The following SATB2 variants were observed in gnomAD, a reference collection of about 807,000 sequenced individuals.
The protein encoded by SATB2 is DNA-binding protein SATB2.
In SATB2, 1 loss-of-function variant was observed where a neutral mutation model predicts 73.4. That is an observed-to-expected ratio of 0.01 (90% CI 0.00 to 0.06). SATB2 has a LOEUF of 0.06. Among genes scored for constraint, SATB2 ranks in the 10% least tolerant of loss-of-function variants. SATB2 has a pLI of 1.00. For missense variants in SATB2, 459 were observed against 945.8 expected (o/e 0.49, Z 6.75); for synonymous variants, 397 against 367.0 (o/e 1.08, Z -0.93).
chr2:199,381,551 T>A, intron 4 of SATB2, 143 bp downstream of exon 4: 2 of 1,181,622 alleles, frequency 1.7e-6, no homozygotes, highest in Non-Finnish European at 2.5e-6. Context: ...TCTCCTTCTC[T>A]CCTTCTTTCC....
intron 10 of SATB2, among the ~76,000 whole-genome samples, chr2:199,299,831 T>C (rs761256384): frequency 9.2e-5 from 14 of 152,168 alleles, no homozygotes; most frequent in Non-Finnish European, 1.5e-4. Flanking sequence ...AGCCAGACTT[T>C]GCTAGCTATC....
intron 3 of SATB2, among the ~76,000 whole-genome samples, chr2:199,406,441 A>G (rs561509388): frequency 1.3e-5 from 2 of 152,324 alleles, no homozygotes; most frequent in South Asian, 2.1e-4. Flanking sequence ...ACAGTGAAAT[A>G]TCTAACTTTG....
intron 6 of SATB2, among the ~76,000 whole-genome samples, chr2:199,356,079 C>T (rs1284525456): frequency 6.6e-6 from 1 of 151,938 alleles, no homozygotes; most frequent in Admixed American, 6.6e-5. Flanking sequence ...GAATCTCTGG[C>T]CTATGGATTT....
rs7565351 is a variant in SATB2 at position 199,398,338 on chromosome 2, T to C, written c.347-16518A>G. 5.8e-3 allele frequency among the ~76,000 whole-genome samples: 886 copies of C among 152,294 alleles called. 5 individuals are homozygous for C. The highest frequency in any genetic ancestry group is 0.02 in the African/African-American group (839 of 41,556). ...CAAAACAGAAAAGCAGGTAGCAGAA[T>C]ACATACCCCCAAAATATGCTCTTTC... On this transcript the variant is annotated intron_variant, in intron 3 of 10. Coordinates refer to ENST00000417098, the MANE Select transcript of SATB2 (RefSeq NM_001172509.2).
chr2:199,343,118 AC>A, intron 7 of SATB2, among the ~76,000 whole-genome samples: 1 of 9,982 alleles, frequency 1.0e-4, no homozygotes, highest in East Asian at 8.9e-4. Context: ...TTTTATACAC[AC>A]ACACACACAC....
chr2:199,338,544 G>C (rs1265422464), intron 7 of SATB2, among the ~76,000 whole-genome samples: 1 of 152,114 alleles, frequency 6.6e-6, no homozygotes, highest in African/African-American at 2.4e-5. Context: ...GTTTTCTTTA[G>C]TAAAAACAGA....
chr2:199,413,030 T>A (rs1355638641), intron 3 of SATB2, among the ~76,000 whole-genome samples: 1 of 152,218 alleles, frequency 6.6e-6, no homozygotes, highest in Non-Finnish European at 1.5e-5. Flanking sequence ...CCAAGGAATA[T>A]TACAGAATTT....
intron 7 of SATB2, 30 bp downstream of exon 7, chr2:199,348,671 G>GTTTAAT: frequency 6.7e-7 from 1 of 1,488,652 alleles, no homozygotes; most frequent in African/African-American, 1.4e-5. Context: ...CAGTATTACT[G>GTTTAAT]TTAATTACAG....
chr2:199,414,143 C>T (rs150128819), intron 3 of SATB2, among the ~76,000 whole-genome samples: 19 of 152,292 alleles, frequency 1.2e-4, no homozygotes, highest in African/African-American at 4.3e-4. Context: ...TAAACATATC[C>T]TGCATACCAG....
chr2:199,326,985 G>C (rs564832965), intron 8 of SATB2, among the ~76,000 whole-genome samples: 2 of 152,236 alleles, frequency 1.3e-5, no homozygotes, highest in African/African-American at 4.8e-5. Context: ...TGAAAAAATG[G>C]ATATACTTGA....
At chr2:199,416,871 C>A (rs187614591) in intron 3 of SATB2, among the ~76,000 whole-genome samples, 199 of 152,156 alleles carry the variant, frequency 1.3e-3, no homozygotes, top group Non-Finnish European at 8.1e-4. Flanking sequence ...CCTATCTCTA[C>A]TAAAAATACA....
At chr2:199,318,984 A>G (rs1687810274) in intron 9 of SATB2, among the ~76,000 whole-genome samples, 1 of 151,786 alleles carries the variant, frequency 6.6e-6, no homozygotes, top group Admixed American at 6.6e-5. Context: ...TTTGTTAAGT[A>G]GTTGAGAACT....
intron 3 of SATB2, among the ~76,000 whole-genome samples, chr2:199,409,433 G>A (rs980785649): frequency 6.6e-6 from 1 of 152,130 alleles, no homozygotes. Context: ...GCCTCCCAAA[G>A]TGCTGGGATT....
intron 2 of SATB2, among the ~76,000 whole-genome samples, chr2:199,434,424 A>G (rs955085972): frequency 1.3e-5 from 2 of 152,162 alleles, no homozygotes; most frequent in Non-Finnish European, 2.9e-5. Flanking sequence ...TGTTTAATTC[A>G]CCAAAGATTT....
chr2:199,378,170 T>C (rs1034573948), intron 5 of SATB2, among the ~76,000 whole-genome samples: 4 of 152,352 alleles, frequency 2.6e-5, no homozygotes, highest in African/African-American at 9.6e-5. Context: ...TCACTCATGT[T>C]GCCTCTCTAG....
intron 6 of SATB2, among the ~76,000 whole-genome samples, chr2:199,361,702 C>T (rs994597390): frequency 6.6e-6 from 1 of 151,934 alleles, no homozygotes; most frequent in Non-Finnish European, 1.5e-5. Context: ...ACCTTCTCAG[C>T]CTTATTTTTC....
At chr2:199,449,160 G>A (rs891408979) in intron 2 of SATB2, among the ~76,000 whole-genome samples, 1 of 151,506 alleles carries the variant, frequency 6.6e-6, no homozygotes, top group Non-Finnish European at 1.5e-5. Context: ...ATTAAAAAGG[G>A]GAAAAAAAAT....
chr2:199,370,211 T>G (rs990471965), intron 5 of SATB2, among the ~76,000 whole-genome samples: 2 of 152,036 alleles, frequency 1.3e-5, no homozygotes, highest in Non-Finnish European at 2.9e-5. Flanking sequence ...GTTCCTAGAC[T>G]GTGAGACCCT....
chr2:199,366,925 C>A (rs905706270), intron 6 of SATB2, among the ~76,000 whole-genome samples: 357 of 149,718 alleles, frequency 2.4e-3, no homozygotes, highest in African/African-American at 8.2e-3. Context: ...CACACACAAA[C>A]ACACACACAC....
Sources: allele counts gnomAD v4.1 joint callset (sites outside exome capture counted in the v4.1 genomes callset), GRCh38; gene constraint gnomAD v4.1.1; transcripts MANE v1.5; gene names NCBI Gene and HGNC (gene_info 2026-07-23, HGNC 2026-07-21).